The following CUL9 variants were observed in gnomAD, a reference collection of about 807,000 sequenced individuals.
CUL9 encodes the protein cullin-9.
A neutral mutation model predicts 272.6 loss-of-function variants in CUL9; 79 were observed. The observed-to-expected ratio is 0.29, with a 90% CI of 0.24 to 0.35. The LOEUF is 0.35. CUL9 is among the 10% of genes least tolerant of loss of function. The pLI is 1.00. For missense variants in CUL9, 2,532 were observed against 3,255.6 expected (o/e 0.78, Z 5.41); for synonymous variants, 1,186 against 1,286.5 (o/e 0.92, Z 1.67).
At position 43,204,760 on chromosome 6, in the gene CUL9, G is replaced by T. The variant is rs146947829; in HGVS notation, c.4352G>T (p.Ser1451Ile). 5,046 of 1,614,146 alleles carry T rather than the reference G, an allele frequency of 3.1e-3. 16 individuals are homozygous for T. The highest frequency in any genetic ancestry group is 3.9e-3 in the Non-Finnish European group (4,619 of 1,180,002). ...EPSTRPFSKNSKGRDRSPAPS... is the reference protein window; with the variant it reads ...EPSTRPFSKNIKGRDRSPAPS... ...TCTGTCTCTACAGTCAGCAAGAACA[G>T]CAAGGGTCGGGACCGGAGCCCGGCG... Residue 1451 changes from serine (S) to isoleucine (I), a missense_variant, in exon 22 of 41, where the codon AGC becomes ATC. Ser to Ile is a moderately radical substitution (Grantham distance 142). Transcript: ENST00000252050.
At chr6:43,191,954 C>A (rs545861242) in intron 8 of CUL9, among the ~76,000 whole-genome samples, 2 of 149,808 alleles carry the variant, frequency 1.3e-5, no homozygotes, top group African/African-American at 4.9e-5. Context: ...TATCTCTCTT[C>A]TCATCTATTG....
rs899138481 is a variant in CUL9 at position 43,221,602 on chromosome 6, C to G, written c.6753-83C>G. The stretch of plus-strand genomic sequence containing the variant: ...GCAGGAGCAGAGGCCACAGCATCAA[C>G]AGCGGTACATCTGGGCCCTTGGCAT... On this transcript the variant is annotated intron_variant, in intron 34 of 40. Transcript: ENST00000252050. This position sits in a 1 kb window ranked among gnomAD's most constrained non-coding sequence, Gnocchi z 4.2. 3.9e-6 allele frequency: 5 copies of G among 1,281,142 alleles called. No individual in the cohort carries two copies. Among genetic ancestry groups the G allele is most frequent in the Non-Finnish European group, 4.4e-6 (4 of 899,302 alleles). The allele number at this position is 1,281,142 out of a possible 1,614,324, so 79.4% of individuals were successfully genotyped here.
rs1178127340 is a variant in CUL9, at chr6:43,186,212, C to T, written c.1008C>T (p.Ser336=). 11 of 1,614,120 alleles carry T rather than the reference C, an allele frequency of 6.8e-6. No individual in the cohort carries two copies. Among genetic ancestry groups the T allele is most frequent in the Non-Finnish European group, 8.5e-6 (10 of 1,180,050 alleles). ...TGTCACCTCCCCGGCCAACCCGGTCCATCTTTCAGCCCTACATTTCAGGCC... is the reference window on the plus strand; with the variant it reads ...TGTCACCTCCCCGGCCAACCCGGTCTATCTTTCAGCCCTACATTTCAGGCC... ...QGMSPPRPTR[S]IFQPYISGPS... The change falls in exon 4 of 41, where the codon TCC becomes TCT. Residue 336 remains serine, a synonymous_variant. Coordinates refer to ENST00000252050, the MANE Select transcript of CUL9 (RefSeq NM_015089.4).
chr6:43,203,800 G>A lies in CUL9; in HGVS notation c.4026-54G>A. 1 of 1,555,814 alleles carries A rather than the reference G, an allele frequency of 6.4e-7. No homozygotes were observed. Among genetic ancestry groups the A allele is most frequent in the Non-Finnish European group, 8.7e-7 (1 of 1,147,164 alleles). ...GGGAGCTGATCTGCACTTGAATGGA[G>A]GCCTCTGGGAAATCGGTGCCATTAA... On this transcript the variant is annotated intron_variant, in intron 19 of 40. Coordinates refer to ENST00000252050, the MANE Select transcript of CUL9 (RefSeq NM_015089.4). This position sits in a 1 kb window ranked among gnomAD's most constrained non-coding sequence, Gnocchi z 5.0.
Position 43,184,735 on chromosome 6 carries a change from T to G in CUL9, c.425T>G (p.Val142Gly). 6.2e-7 allele frequency: 1 copy of G among 1,614,206 alleles called. No individual in the cohort carries two copies. The highest frequency in any genetic ancestry group is 8.5e-7 in the Non-Finnish European group (1 of 1,180,044). ...ESGTPSLTAA[V>G]LHTIHVLSAY... ...GGGACCCCAAGCCTCACGGCCGCTG[T>G]GCTTCACACCATCCACGTGCTCAGT... Residue 142 changes from valine to glycine, a missense_variant, in exon 2 of 41, where the codon GTG becomes GGG. By Grantham distance (109) the Val-to-Gly change is moderately radical (BLOSUM62 -3). This residue lies in a region of CUL9 where 2,218 missense variants were observed against 2,788.6 expected (regional missense o/e 0.80). Coordinates refer to ENST00000252050, the MANE Select transcript of CUL9 (RefSeq NM_015089.4). This position sits in a 1 kb window ranked among gnomAD's most constrained non-coding sequence, Gnocchi z 4.8.
At chr6:43,202,933 G>T in intron 17 of CUL9, 112 bp downstream of exon 17, 1 of 1,253,904 alleles carries the variant, frequency 8.0e-7, no homozygotes, top group African/African-American at 1.5e-5. Context: ...CCCTTGGGAA[G>T]GTGTTGCCTT....
At position 43,221,342 on chromosome 6, in the gene CUL9, G is replaced by T; in HGVS notation, c.6752+21G>T. 1 of 1,587,568 alleles carries T rather than the reference G, an allele frequency of 6.3e-7. No individual in the cohort carries two copies. The highest frequency in any genetic ancestry group is 8.5e-7 in the Non-Finnish European group (1 of 1,172,972). ...CTGCAGTAAGAAGGGGGGTACTGTGGGGAGCCAGAGGGCAAGGAGGGGGGA... is the reference window on the plus strand; with the variant it reads ...CTGCAGTAAGAAGGGGGGTACTGTGTGGAGCCAGAGGGCAAGGAGGGGGGA... On this transcript the variant is annotated intron_variant, in intron 34 of 40. Coordinates refer to ENST00000252050, the MANE Select transcript of CUL9 (RefSeq NM_015089.4). The surrounding 1 kb of genome is among the most constrained non-coding windows in gnomAD (Gnocchi z 4.2).
Position 43,204,486 on chromosome 6 carries a change from T to C in CUL9, c.4286T>C (p.Leu1429Pro), listed in dbSNP as rs181110635. Residue 1429 changes from leucine to proline, a missense_variant, in exon 21 of 41, where the codon CTG (leucine) becomes CCG (proline). Leu to Pro is a moderately conservative substitution (Grantham distance 98). Transcript: ENST00000252050. ...ASRVRRLCHL[L>P]VHVEPPPGPS... is the part of the protein sequence containing the mutation. ...CGAGTTCGTCGCCTTTGCCACTTGCTGGTGCATGTGGAACCTCCTCCTGGG... is the reference window on the plus strand; with the variant it reads ...CGAGTTCGTCGCCTTTGCCACTTGCCGGTGCATGTGGAACCTCCTCCTGGG... 1.9e-6 allele frequency: 3 copies of C among 1,614,186 alleles called. No individual in the cohort carries two copies. In the Admixed American group the frequency reaches 5.0e-5, roughly 27 times the overall value.
chr6:43,185,390 T>C, intron 2 of CUL9, 66 bp from the exon 3 acceptor site: 2 of 1,551,688 alleles, frequency 1.3e-6, no homozygotes, highest in Admixed American at 1.7e-5. Flanking sequence ...GGAGATAGAA[T>C]CTAGGAAAGG....
At position 43,184,310 on chromosome 6, in the gene CUL9, G is replaced by A. The variant is rs559061400; in HGVS notation, c.-1G>A. ...CTCCTTGTGTATCCCAGGAGGTCAGGATGGTGGGGGAACGGCATGCTGGGG... is the reference window on the plus strand; with the variant it reads ...CTCCTTGTGTATCCCAGGAGGTCAGAATGGTGGGGGAACGGCATGCTGGGG... On this transcript the variant is annotated 5_prime_UTR_variant, in exon 2 of 41. Transcript: ENST00000252050. This position sits in a 1 kb window ranked among gnomAD's most constrained non-coding sequence, Gnocchi z 4.8. 2.7e-6 allele frequency: 4 copies of A among 1,504,964 alleles called. No individual in the cohort carries two copies. In the South Asian group the frequency reaches 4.0e-5, roughly 15 times the overall value. 93.2% of individuals were successfully genotyped at this position (1,504,964 alleles called of 1,614,324 possible).
Position 43,213,702 on chromosome 6 carries a change from G to T in CUL9, c.5489-11G>T. On this transcript the variant is annotated splice_polypyrimidine_tract_variant and intron_variant, in intron 28 of 40. Transcript: ENST00000252050. The surrounding 1 kb of genome is among the most constrained non-coding windows in gnomAD (Gnocchi z 5.7). ...TGCCTCCTCTGGTACCTGACCGGGA[G>T]CGGGTTCCAGGTGTGCTGCGGCTTC... 1 of 1,611,176 alleles carries T rather than the reference G, an allele frequency of 6.2e-7. No homozygotes were observed. The highest frequency in any genetic ancestry group is 8.5e-7 in the Non-Finnish European group (1 of 1,178,650).
In CUL9 at chr6:43,199,366, T is replaced by C. The variant is rs1394123698; in HGVS notation, c.3151T>C (p.Ser1051Pro). ...CTGCCTGAGTGGCCCTAGCAGTGACTCCGAGGTACCAGAACCCTGGCAAGG... is the reference window on the plus strand; with the variant it reads ...CTGCCTGAGTGGCCCTAGCAGTGACCCCGAGGTACCAGAACCCTGGCAAGG... ...LNCLSGPSSDSEIVQELTCFL... is the reference protein window; with the variant it reads ...LNCLSGPSSDPEIVQELTCFL... The change falls in exon 13 of 41, where the codon TCC becomes CCC. Residue 1051 changes from serine to proline, a missense_variant. Coordinates refer to ENST00000252050, the MANE Select transcript of CUL9 (RefSeq NM_015089.4). This position sits in a 1 kb window ranked among gnomAD's most constrained non-coding sequence, Gnocchi z 4.4. The C allele has an allele frequency of 1.2e-6, 2 of 1,611,794 alleles. No individual in the cohort carries two copies. The highest frequency in any genetic ancestry group is 2.2e-5 in the East Asian group (1 of 44,816).
intron 8 of CUL9, among the ~76,000 whole-genome samples, chr6:43,192,147 G>A (rs1477243620): frequency 2.1e-5 from 3 of 140,948 alleles, no homozygotes; most frequent in East Asian, 2.1e-4. Flanking sequence ...CTGCTGCCTC[G>A]ACCTCCCAGG....
intron 2 of CUL9, 127 bp downstream of exon 2, chr6:43,185,032 G>GA (rs1042676623): frequency 1.3e-6 from 1 of 751,058 alleles, no homozygotes; most frequent in Non-Finnish European, 2.1e-6. Flanking sequence ...TGATGCAAAG[G>GA]AAAAAATATA....
rs202169788 is a variant in CUL9 at position 43,216,425 on chromosome 6, C to T, written c.6204C>T (p.Asp2068=). 4.6e-5 allele frequency: 75 copies of T among 1,613,016 alleles called. No individual in the cohort carries two copies. The African/African-American group carries it at 9.5e-4, about 20-fold the overall frequency. The change falls in exon 31 of 41, where the codon GAC becomes GAT. Residue 2068 remains aspartate, a synonymous_variant. Coordinates refer to ENST00000252050, the MANE Select transcript of CUL9 (RefSeq NM_015089.4). ...CTCAGGCTGTACCCGTACGGCCTGA[C>T]CACTGCCCCGTCTGTGTGAGCCCCC... ...HQAQAVPVRP[D]HCPVCVSPLG...
chr6:43,217,216 G>A (rs573869977), intron 31 of CUL9, among the ~76,000 whole-genome samples: 67 of 152,242 alleles, frequency 4.4e-4, no homozygotes, highest in Admixed American at 1.5e-3. Flanking sequence ...AATAAGATGG[G>A]CATGGTGGTG....
chr6:43,190,316 ATATT>A (rs1292953901), intron 8 of CUL9, among the ~76,000 whole-genome samples: 2 of 151,116 alleles, frequency 1.3e-5, no homozygotes, highest in Non-Finnish European at 2.9e-5. Context: ...TTTTCTATAA[ATATT>A]CTGTTATTAT....
rs1166281186 is a variant in CUL9, at chr6:43,221,646, C to T, written c.6753-39C>T. ...TTGGCATTCCTGGCACACCCCTGCC[C>T]AGAGGCAGGAGTCCCTGACCAGCCA... On this transcript the variant is annotated intron_variant, in intron 34 of 40. Coordinates refer to ENST00000252050, the MANE Select transcript of CUL9 (RefSeq NM_015089.4). The surrounding 1 kb of genome is among the most constrained non-coding windows in gnomAD (Gnocchi z 4.2). 2.6e-6 allele frequency: 4 copies of T among 1,568,188 alleles called. No individual in the cohort carries two copies. In the South Asian group the frequency reaches 4.5e-5, roughly 18 times the overall value.
chr6:43,196,228 G>C lies in CUL9; in HGVS notation c.2548G>C (p.Val850Leu), dbSNP rs1030670502. ...RPGSESLLLTVPAAVILMLNT... is the reference protein window; with the variant it reads ...RPGSESLLLTLPAAVILMLNT... ...GGGCTCTGAGAGCCTGCTCCTCACT[G>C]TCCCTGCAGCCGTGATCCTGATGCT... Residue 850 changes from valine to leucine, a missense_variant, in exon 10 of 41, where the codon GTC (valine) becomes CTC (leucine). Val to Leu is a conservative substitution (Grantham distance 32). This residue lies in a region of CUL9 where 2,218 missense variants were observed against 2,788.6 expected (regional missense o/e 0.80). Transcript: ENST00000252050. 6.2e-7 allele frequency: 1 copy of C among 1,613,974 alleles called. No homozygotes were observed. Among genetic ancestry groups the C allele is most frequent in the Admixed American group, 1.7e-5 (1 of 60,004 alleles).
Sources: gnomAD v4.1 joint callset for allele counts (sites outside exome capture counted in the v4.1 genomes callset) on GRCh38, gnomAD v4.1.1 for gene constraint, gnomAD v4.1.1 regional missense constraint, Gnocchi (gnomAD v3.1) non-coding constraint, MANE v1.5 for transcripts, NCBI Gene and HGNC (gene_info 2026-07-23, HGNC 2026-07-21) for gene names.